SLIT3: variants seen among roughly 807,000 people sequenced by gnomAD.
SLIT3 encodes the protein slit homolog 3 protein.
SLIT3 carries 68 observed loss-of-function variants against 184.0 expected under a neutral mutation model. That is an observed-to-expected ratio of 0.37 (90% CI 0.30 to 0.45). The LOEUF (loss-of-function observed/expected upper bound fraction) is 0.45, where lower values mean the gene tolerates loss of function less well. SLIT3 is among the 20% of genes least tolerant of loss of function. SLIT3 has a pLI of 1.00. For synonymous variants in SLIT3, 831 were observed against 828.6 expected, an observed-to-expected ratio of 1.00 and a Z score of -0.05; for missense variants, 1,707 against 2,026.0, an observed-to-expected ratio of 0.84 and a Z score of 3.02.
intron 8 of SLIT3, among the ~76,000 whole-genome samples, chr5:168,811,643 A>G (rs1757160347): frequency 6.6e-6 from 1 of 152,210 alleles, no homozygotes; most frequent in African/African-American, 2.4e-5. Flanking sequence ...TCCATCTTTA[A>G]AAAACCTCAT....
intron 9 of SLIT3, among the ~76,000 whole-genome samples, chr5:168,802,296 C>G (rs1756795049): frequency 6.6e-6 from 1 of 152,032 alleles, no homozygotes; most frequent in Non-Finnish European, 1.5e-5. Flanking sequence ...TGGTAGAAGA[C>G]TTTTAGGCCA....
intron 3 of SLIT3, among the ~76,000 whole-genome samples, chr5:169,206,662 T>A (rs1764076328): frequency 6.6e-6 from 1 of 152,256 alleles, no homozygotes; most frequent in Non-Finnish European, 1.5e-5. Flanking sequence ...CTTTCATTTT[T>A]GTTCTAAACA....
At position 168,898,396 on chromosome 5, in the gene SLIT3, C is replaced by CT. The variant is rs67374761; in HGVS notation, c.414-15061dup. On this transcript the variant is annotated intron_variant, in intron 4 of 35. Transcript: ENST00000519560. ...TCTATAGCATTTTTATGGAGGGAGA[C>CT]TTTTTTTTTTTTTTTTTAAAGATCC... Among the ~76,000 whole-genome samples, 753 of 141,920 alleles carry CT rather than the reference C, an allele frequency of 5.3e-3. 5 individuals carry two copies. Among genetic ancestry groups the CT allele is most frequent in the African/African-American group, 0.017 (645 of 38,452 alleles). The allele number at this position is 141,920 out of a possible 152,430, so 93.1% of individuals were successfully genotyped here. A position where few individuals can be genotyped will look rare whatever the true frequency, so the allele number is the denominator to read the frequency against.
chr5:168,765,584 T>A (rs752111073), intron 14 of SLIT3, among the ~76,000 whole-genome samples: 3 of 152,264 alleles, frequency 2.0e-5, no homozygotes, highest in Non-Finnish European at 4.4e-5. Context: ...CCATTTGTTA[T>A]GCCTAATGCT....
intron 4 of SLIT3, among the ~76,000 whole-genome samples, chr5:169,149,340 C>CTTTT (rs3038064): frequency 0.18 from 24,234 of 137,418 alleles, 2,306 homozygotes; most frequent in Middle Eastern, 0.28. Context: ...ACAACATGGG[C>CTTTT]TTTTTTTTTT....
chr5:168,767,423 C>G (rs1221965102), intron 14 of SLIT3, among the ~76,000 whole-genome samples: 1 of 152,156 alleles, frequency 6.6e-6, no homozygotes, highest in Non-Finnish European at 1.5e-5. Context: ...AGATCCCTCT[C>G]TTTATTATCA....
At chr5:168,987,041 C>T (rs879117048) in intron 4 of SLIT3, among the ~76,000 whole-genome samples, 1 of 152,174 alleles carries the variant, frequency 6.6e-6, no homozygotes, top group Non-Finnish European at 1.5e-5. Flanking sequence ...GAGCGAGATT[C>T]CATCTCAAAA....
chr5:169,036,883 T>C lies in SLIT3; in HGVS notation c.414-153547A>G, dbSNP rs563239572. On this transcript the variant is annotated intron_variant, in intron 4 of 35. Coordinates refer to ENST00000519560, the MANE Select transcript of SLIT3 (RefSeq NM_003062.4). Reference sequence around the variant, plus strand: ...AGAGAGCAAAGCGCTGGTTTCTCATTACCCAGGGCCATCTTCACAAATGGC... The same window carrying C: ...AGAGAGCAAAGCGCTGGTTTCTCATCACCCAGGGCCATCTTCACAAATGGC... Among the ~76,000 whole-genome samples the C allele has an allele frequency of 4.6e-5, 7 of 152,272 alleles. No homozygotes were observed. In the South Asian group the frequency reaches 1.5e-3, roughly 32 times the overall value.
intron 4 of SLIT3, among the ~76,000 whole-genome samples, chr5:168,884,546 C>CGA (rs1425717076): frequency 3.8e-4 from 4 of 10,396 alleles, no homozygotes; most frequent in African/African-American, 9.2e-4. Context: ...CTACCAATTA[C>CGA]GAGATATATA....
At chr5:169,080,368 C>T (rs1463897230) in intron 4 of SLIT3, among the ~76,000 whole-genome samples, 1 of 152,164 alleles carries the variant, frequency 6.6e-6, no homozygotes, top group East Asian at 1.9e-4. Context: ...GTGCTAGGGA[C>T]TTTTGCATAG....
intron 4 of SLIT3, among the ~76,000 whole-genome samples, chr5:168,884,011 G>A (rs1418999090): frequency 6.6e-6 from 1 of 152,050 alleles, no homozygotes; most frequent in Non-Finnish European, 1.5e-5. Context: ...GAGGGTGAGG[G>A]ATAGTGTCAG....
chr5:169,151,108 C>G (rs1762100389), intron 4 of SLIT3, among the ~76,000 whole-genome samples: 1 of 152,102 alleles, frequency 6.6e-6, no homozygotes, highest in Non-Finnish European at 1.5e-5. Flanking sequence ...GGCTGGAACA[C>G]AGAAGAGAAG....
At chr5:168,955,878 C>T (rs1762809448) in intron 4 of SLIT3, among the ~76,000 whole-genome samples, 1 of 152,158 alleles carries the variant, frequency 6.6e-6, no homozygotes, top group Non-Finnish European at 1.5e-5. Flanking sequence ...ACCAGAGTAT[C>T]TCCATTAGGA....
At chr5:168,850,408 C>T (rs2094936715) in intron 5 of SLIT3, among the ~76,000 whole-genome samples, 1 of 152,236 alleles carries the variant, frequency 6.6e-6, no homozygotes, top group Non-Finnish European at 1.5e-5. Flanking sequence ...ATAAAACTGA[C>T]AACTCTTATG....
rs10475900 is a variant in SLIT3 at position 169,152,336 on chromosome 5, G to A, written c.413+41143C>T. Among the ~76,000 whole-genome samples, 376 of 152,342 alleles carry A rather than the reference G, an allele frequency of 2.5e-3. 2 individuals are homozygous for A. Among genetic ancestry groups the A allele is most frequent in the African/African-American group, 8.0e-3 (331 of 41,584 alleles). The stretch of plus-strand genomic sequence containing the variant: ...CAGAAAGCAAATACCTGCAGTGAGC[G>A]TGGAAGGGGAGACTCGAACCTGCTG... On this transcript the variant is annotated intron_variant, in intron 4 of 35. Coordinates refer to ENST00000519560, the MANE Select transcript of SLIT3 (RefSeq NM_003062.4).
rs555518334 is a variant in SLIT3, at chr5:168,857,492, C to T, written c.486-12837G>A. On this transcript the variant is annotated intron_variant, in intron 5 of 35. Transcript: ENST00000519560. ...ATATTTGACCTTGTCGGACTATGGC[C>T]TAACTTCTCTGGGCTAAAATTTCCC... Among the ~76,000 whole-genome samples the T allele has an allele frequency of 5.9e-5, 9 of 152,256 alleles. No individual in the cohort carries two copies. The South Asian group carries it at 1.9e-3, about 32-fold the overall frequency.
At chr5:168,763,934 C>T (rs1755243600) in intron 14 of SLIT3, among the ~76,000 whole-genome samples, 1 of 152,218 alleles carries the variant, frequency 6.6e-6, no homozygotes, top group South Asian at 2.1e-4. Context: ...TATTTGTTTG[C>T]TCCACTAGGT....
At chr5:169,165,195 T>C (rs188781100) in intron 4 of SLIT3, among the ~76,000 whole-genome samples, 1 of 152,310 alleles carries the variant, frequency 6.6e-6, no homozygotes, top group East Asian at 1.9e-4. Flanking sequence ...AAGAAACAAG[T>C]GATGCAATTT....
At chr5:169,231,487 C>T (rs897339066) in intron 3 of SLIT3, among the ~76,000 whole-genome samples, 8 of 152,168 alleles carry the variant, frequency 5.3e-5, no homozygotes, top group African/African-American at 1.9e-4. Flanking sequence ...CGGTTTTTGT[C>T]CCCGATTATG....
Sources: allele counts gnomAD v4.1 joint callset (sites outside exome capture counted in the v4.1 genomes callset), GRCh38; gene constraint gnomAD v4.1.1; transcripts MANE v1.5; gene names NCBI Gene and HGNC (gene_info 2026-07-23, HGNC 2026-07-21).